MRPL44: variants seen among roughly 807,000 people sequenced by gnomAD.
The protein encoded by MRPL44 is large ribosomal subunit protein mL44.
MRPL44 carries 21 observed loss-of-function variants against 25.9 expected under a neutral mutation model. The observed-to-expected ratio is 0.81, with a 90% confidence interval of 0.58 to 1.17. The LOEUF (loss-of-function observed/expected upper bound fraction) is 1.17, where lower values mean the gene tolerates loss of function less well. MRPL44 is among the 50% of genes most tolerant of loss of function. The pLI, the probability that MRPL44 is intolerant of heterozygous loss-of-function variation, is 0.00. For missense variants in MRPL44, 410 were observed against 398.9 expected, an observed-to-expected ratio of 1.03 and a Z score of -0.24; for synonymous variants, 169 against 151.0, an observed-to-expected ratio of 1.12 and a Z score of -0.87.
chr2:223,967,003 T>G lies in MRPL44; in HGVS notation c.968T>G (p.Leu323Trp). Residue 323 changes from leucine to tryptophan, a missense_variant, in exon 4 of 4, where the codon TTG becomes TGG. Leu to Trp is a moderately conservative substitution (Grantham distance 61). Transcript: ENST00000258383. ...PWNYSKPKET[L>W]RAEKSITAS ...AACTATTCCAAGCCCAAAGAAACCT[T>G]GAGAGCAGAAAAGAGCATCACTGCC... 1 of 1,613,406 alleles carries G rather than the reference T, an allele frequency of 6.2e-7. No homozygotes were observed. Among genetic ancestry groups the G allele is most frequent in the Non-Finnish European group, 8.5e-7 (1 of 1,179,626 alleles).
chr2:223,953,444 T>A (rs866872617), upstream of MRPL44, among the ~76,000 whole-genome samples: 11 of 152,222 alleles, frequency 7.2e-5, no homozygotes, highest in Admixed American at 2.0e-4. Flanking sequence ...GATTTTTAAA[T>A]TTATAACTTT....
At position 223,959,459 on chromosome 2, in the gene MRPL44, A is replaced by C. The variant is rs895738352; in HGVS notation, c.180-75A>C. On this transcript the variant is annotated intron_variant, in intron 1 of 3. Transcript: ENST00000258383. ...TCCTTTATATAATTAATAACATTAC[A>C]ACACAGTGAACAATTTTTATATCAC... The C allele has an allele frequency of 2.7e-6, 3 of 1,118,478 alleles. No individual in the cohort carries two copies. In the African/African-American group the frequency reaches 4.7e-5, roughly 18 times the overall value. 69.3% of individuals were successfully genotyped at this position (1,118,478 alleles called of 1,614,324 possible).
chr2:223,963,374 T>C (rs188897874), intron 2 of MRPL44, among the ~76,000 whole-genome samples: 85 of 151,890 alleles, frequency 5.6e-4, no homozygotes, highest in African/African-American at 2.0e-3. Context: ...GCCCAGGAGG[T>C]CGAGGTTTCA....
At position 223,959,865 on chromosome 2, in the gene MRPL44, A is replaced by G. The variant is rs1689629627; in HGVS notation, c.511A>G (p.Arg171Gly). Residue 171 changes from arginine to glycine, a missense_variant, in exon 2 of 4, where the codon AGA (arginine) becomes GGA (glycine). Arg to Gly is a moderately radical substitution (Grantham distance 125). Coordinates refer to ENST00000258383, the MANE Select transcript of MRPL44 (RefSeq NM_022915.5). Reference protein sequence around the residue: ...TGEEVVCHVARNLAVEQLTLS... With the variant: ...TGEEVVCHVAGNLAVEQLTLS... ...TGAGGAAGTCGTGTGTCACGTGGCT[A>G]GAAACTTGGCTGTGGAGCAGTTAAC... 2 of 1,614,216 alleles carry G rather than the reference A, an allele frequency of 1.2e-6. No individual in the cohort carries two copies. Among genetic ancestry groups the G allele is most frequent in the Non-Finnish European group, 1.7e-6 (2 of 1,180,036 alleles).
chr2:223,965,419 T>C (rs1380999986), intron 3 of MRPL44, among the ~76,000 whole-genome samples: 1 of 152,234 alleles, frequency 6.6e-6, no homozygotes, highest in Non-Finnish European at 1.5e-5. Context: ...TCAGCTTATA[T>C]TGAATCTGAC....
At chr2:223,954,503 C>T (rs1034654689), upstream of MRPL44, among the ~76,000 whole-genome samples, 1 of 152,158 alleles carries the variant, frequency 6.6e-6, no homozygotes, top group African/African-American at 2.4e-5. Context: ...GCAGTCAAAG[C>T]GCTGGCCAGT....
At chr2:223,963,016 A>G (rs1689687493) in intron 2 of MRPL44, among the ~76,000 whole-genome samples, 1 of 152,162 alleles carries the variant, frequency 6.6e-6, no homozygotes, top group Non-Finnish European at 1.5e-5. Context: ...TTTTAAAAAC[A>G]TTATTAATGG....
chr2:223,953,152 C>T (rs1433330446), upstream of MRPL44, among the ~76,000 whole-genome samples: 19 of 145,756 alleles, frequency 1.3e-4, no homozygotes, highest in African/African-American at 3.0e-4. Flanking sequence ...TTTTTTTTTC[C>T]GAGACAGAGT....
chr2:223,961,044 AT>A (rs1689652092), intron 2 of MRPL44, among the ~76,000 whole-genome samples: 1 of 152,172 alleles, frequency 6.6e-6, no homozygotes, highest in South Asian at 2.1e-4. Context: ...GTCCTGTTTC[AT>A]TTGTTCATCC....
chr2:223,958,010 G>C (rs182852055), intron 1 of MRPL44, among the ~76,000 whole-genome samples: 1 of 152,230 alleles, frequency 6.6e-6, no homozygotes, highest in Admixed American at 6.5e-5. Context: ...CCACAGCATC[G>C]TAAATTAAGG....
chr2:223,966,932 G>C lies in MRPL44; in HGVS notation c.897G>C (p.Val299=), dbSNP rs1476722820. ...TTGCAGAAGAAGAGGCTGCTCGAGT[G>C]GCCCTTAGAAAACTTTATGGATTCA... ...VLVAEEEAAR[V]ALRKLYGFTE... Residue 299 remains valine (V), a synonymous_variant, in exon 4 of 4, where the codon GTG becomes GTC. Transcript: ENST00000258383. 1 of 1,614,172 alleles carries C rather than the reference G, an allele frequency of 6.2e-7. No homozygotes were observed. Among genetic ancestry groups the C allele is most frequent in the Non-Finnish European group, 8.5e-7 (1 of 1,180,020 alleles).
intron 1 of MRPL44, among the ~76,000 whole-genome samples, chr2:223,958,639 T>G (rs992326269): frequency 6.6e-6 from 1 of 152,216 alleles, no homozygotes; most frequent in African/African-American, 2.4e-5. Context: ...CCTTTGTTTC[T>G]TAAAGGGGTT....
chr2:223,957,114 C>T (rs113814449), upstream of MRPL44, among the ~76,000 whole-genome samples: 9 of 152,180 alleles, frequency 5.9e-5, no homozygotes, highest in African/African-American at 1.9e-4. Context: ...GTTTCCTTAA[C>T]CTGAAAGCGA....
chr2:223,966,068 C>T (rs530753266), intron 3 of MRPL44, among the ~76,000 whole-genome samples: 1 of 152,114 alleles, frequency 6.6e-6, no homozygotes, highest in Non-Finnish European at 1.5e-5. Flanking sequence ...ACTAAAAATA[C>T]AAAAAACTAG....
the MRPL44 span, among the ~76,000 whole-genome samples, chr2:223,951,441 G>GTA: frequency 3.0e-4 from 43 of 143,330 alleles, no homozygotes; most frequent in African/African-American, 1.1e-3. Flanking sequence ...GAGATAATGT[G>GTA]TAGTATTTAT....
Sources: allele counts gnomAD v4.1 joint callset (sites outside exome capture counted in the v4.1 genomes callset), GRCh38; gene constraint gnomAD v4.1.1; transcripts MANE v1.5; gene names NCBI Gene and HGNC (gene_info 2026-07-23, HGNC 2026-07-21).